TMEM71: variants seen among roughly 807,000 people sequenced by gnomAD.
The protein encoded by TMEM71 is transmembrane protein 71.
Under a neutral mutation model 38.0 loss-of-function variants are expected in TMEM71, and 44 were observed. The ratio of observed to expected loss-of-function variants is 1.16; its 90% CI spans 0.91 to 1.49. TMEM71 has a LOEUF of 1.49. Ranked by LOEUF, TMEM71 falls within the 40% of genes most tolerant of loss-of-function variation. The pLI is 0.00. For synonymous variants in TMEM71, 133 were observed against 122.5 expected, an observed-to-expected ratio of 1.09 and a Z score of -0.56; for missense variants, 367 against 348.6, an observed-to-expected ratio of 1.05 and a Z score of -0.42.
chr8:132,763,482 T>C (rs1029506346), upstream of TMEM71, among the ~76,000 whole-genome samples: 3 of 152,200 alleles, frequency 2.0e-5, no homozygotes, highest in African/African-American at 7.2e-5. Flanking sequence ...TTCCACAGAA[T>C]ATTCAGTCCT....
At chr8:132,715,730 A>T (rs1244709777) in intron 7 of TMEM71, among the ~76,000 whole-genome samples, 1 of 152,220 alleles carries the variant, frequency 6.6e-6, no homozygotes, top group East Asian at 1.9e-4. Context: ...ACATCCATAC[A>T]ATGGAATATG....
intron 7 of TMEM71, among the ~76,000 whole-genome samples, chr8:132,717,991 C>T (rs1826626245): frequency 6.6e-6 from 1 of 152,122 alleles, no homozygotes; most frequent in Non-Finnish European, 1.5e-5. Flanking sequence ...ATACCAGACA[C>T]AGAAGTCCAC....
chr8:132,774,435 C>A, the TMEM71 span, among the ~76,000 whole-genome samples: 17 of 152,284 alleles, frequency 1.1e-4, no homozygotes, highest in African/African-American at 4.1e-4. Context: ...TTAGTAGATG[C>A]TGAATGAATG....
At chr8:132,772,624 C>T in the TMEM71 span, among the ~76,000 whole-genome samples, 1 of 152,114 alleles carries the variant, frequency 6.6e-6, no homozygotes, top group South Asian at 2.1e-4. Context: ...TATATTCACA[C>T]CCTCTCCACT....
At chr8:132,731,085 C>T (rs1471039856) in intron 5 of TMEM71, among the ~76,000 whole-genome samples, 3 of 152,144 alleles carry the variant, frequency 2.0e-5, no homozygotes, top group Non-Finnish European at 4.4e-5. Context: ...GGGCACTTTG[C>T]TTAATTTTTC....
Position 132,722,099 on chromosome 8 carries a change from T to A in TMEM71, c.693A>T (p.Gln231His). 2.5e-6 allele frequency: 4 copies of A among 1,613,666 alleles called. No homozygotes were observed. The East Asian group carries it at 6.7e-5, about 27-fold the overall frequency. The change falls in exon 7 of 10, where the codon CAA becomes CAT. Residue 231 changes from glutamine (Q) to histidine (H), a missense_variant. Physicochemically the swap from Gln to His is conservative, Grantham distance 24. Transcript: ENST00000677595. ...SSDHSETRLL[Q>H]EVFFQAILLA... Reference sequence around the variant, plus strand: ...GCAGGATTGCCTGAAAGAAGACCTCTTGCAACAACCTGGTTTCTAATAGGA... The same window carrying A: ...GCAGGATTGCCTGAAAGAAGACCTCATGCAACAACCTGGTTTCTAATAGGA...
At chr8:132,715,407 C>T (rs1826462840) in intron 7 of TMEM71, among the ~76,000 whole-genome samples, 1 of 42,044 alleles carries the variant, frequency 2.4e-5, no homozygotes, top group Non-Finnish European at 3.4e-5. Context: ...AAGACTCCGT[C>T]TCAAAAAAAA....
chr8:132,742,331 C>T (rs1017372054), intron 5 of TMEM71, among the ~76,000 whole-genome samples: 8 of 152,150 alleles, frequency 5.3e-5, no homozygotes, highest in South Asian at 2.1e-4. Flanking sequence ...GCCAAGATCG[C>T]GCCACTGCAC....
In TMEM71 at chr8:132,757,572, A is replaced by G. The variant is rs562414489; in HGVS notation, c.41-278T>C. Among the ~76,000 whole-genome samples the G allele has an allele frequency of 4.6e-5, 7 of 152,166 alleles. No individual in the cohort carries two copies. The East Asian group carries it at 5.8e-4, about 13-fold the overall frequency. ...CCGGGCGCAGTGTCTCACTCCTGTA[A>G]TCTCAGAATTTGGGAGACCGAGGCG... On this transcript the variant is annotated intron_variant, in intron 2 of 9. Coordinates refer to ENST00000677595, the MANE Select transcript of TMEM71 (RefSeq NM_001382403.1).
At chr8:132,747,385 A>G (rs1208389759) in intron 4 of TMEM71, among the ~76,000 whole-genome samples, 1 of 152,232 alleles carries the variant, frequency 6.6e-6, no homozygotes, top group African/African-American at 2.4e-5. Context: ...GCTTTCCTAG[A>G]GTTTATTCTA....
the TMEM71 span, among the ~76,000 whole-genome samples, chr8:132,767,164 G>T: frequency 2.0e-5 from 3 of 152,154 alleles, no homozygotes; most frequent in Non-Finnish European, 4.4e-5. Context: ...TGTGGCTCTT[G>T]TTTCTGCCCT....
At chr8:132,722,011 C>T (rs1481132434) in intron 7 of TMEM71, 29 bp downstream of exon 7, 6 of 1,568,962 alleles carry the variant, frequency 3.8e-6, no homozygotes, top group South Asian at 3.3e-5. Context: ...TTATGAAATA[C>T]CGCTGCATGA....
chr8:132,744,646 A>C (rs1218952955), intron 5 of TMEM71, among the ~76,000 whole-genome samples: 1 of 152,226 alleles, frequency 6.6e-6, no homozygotes, highest in Non-Finnish European at 1.5e-5. Flanking sequence ...CTATCAAACT[A>C]TCAATATTAT....
intron 5 of TMEM71, among the ~76,000 whole-genome samples, chr8:132,734,243 T>C (rs968950708): frequency 2.6e-5 from 4 of 152,054 alleles, no homozygotes; most frequent in Non-Finnish European, 4.4e-5. Flanking sequence ...TCTATTACCT[T>C]GATTGTGGTG....
chr8:132,747,142 A>G, intron 4 of TMEM71, 28 bp from the exon 5 acceptor site: 2 of 1,540,570 alleles, frequency 1.3e-6, no homozygotes, highest in Non-Finnish European at 1.8e-6. Flanking sequence ...CATGGTGAAC[A>G]ACGAATAATA....
the TMEM71 span, among the ~76,000 whole-genome samples, chr8:132,772,185 A>C: frequency 6.6e-6 from 1 of 152,240 alleles, no homozygotes; most frequent in Non-Finnish European, 1.5e-5. Flanking sequence ...TCCTACCTTA[A>C]AATAGGTATA....
rs911566907 is a variant in TMEM71, at chr8:132,710,150, G to A, written c.*817C>T. On this transcript the variant is annotated 3_prime_UTR_variant, in exon 10 of 10. Coordinates refer to ENST00000677595, the MANE Select transcript of TMEM71 (RefSeq NM_001382403.1). ...TTTGTGAACACGCACCAAGTGTGGGGGGTGGAAAGGGAACATCTACAGCCC... is the reference window on the plus strand; with the variant it reads ...TTTGTGAACACGCACCAAGTGTGGGAGGTGGAAAGGGAACATCTACAGCCC... 2.0e-5 allele frequency: 3 copies of A among 152,082 alleles called. No individual in the cohort carries two copies. The highest frequency in any genetic ancestry group is 4.4e-5 in the Non-Finnish European group (3 of 68,032). 9.4% of individuals were successfully genotyped at this position (152,082 alleles called of 1,614,324 possible).
At chr8:132,733,320 C>T (rs1035596275) in intron 5 of TMEM71, among the ~76,000 whole-genome samples, 1 of 152,146 alleles carries the variant, frequency 6.6e-6, no homozygotes, top group Admixed American at 6.5e-5. Context: ...GGGTAGGAGG[C>T]TAAGATATGT....
chr8:132,732,533 C>G (rs1477255210), intron 5 of TMEM71, among the ~76,000 whole-genome samples: 2 of 152,020 alleles, frequency 1.3e-5, no homozygotes, highest in African/African-American at 4.8e-5. Context: ...TGTCACACTC[C>G]AAGCTAATAT....
Sources: allele counts gnomAD v4.1 joint callset (sites outside exome capture counted in the v4.1 genomes callset), GRCh38; gene constraint gnomAD v4.1.1; transcripts MANE v1.5; gene names NCBI Gene and HGNC (gene_info 2026-07-23, HGNC 2026-07-21).